The following DLG2 variants were observed in gnomAD, a reference collection of about 807,000 sequenced individuals.
The protein encoded by DLG2 is discs large MAGUK scaffold protein 2.
A neutral mutation model predicts 132.5 loss-of-function variants in DLG2; 45 were observed. The observed-to-expected ratio is 0.34, with a 90% CI of 0.27 to 0.44. The LOEUF (loss-of-function observed/expected upper bound fraction) is 0.44. Among genes scored for constraint, DLG2 ranks in the 20% least tolerant of loss-of-function variants. The probability of loss-of-function intolerance (pLI) is 1.00; values close to 1 mark genes in which losing one functional copy is unlikely to be tolerated. For missense variants in DLG2, 1,045 were observed against 1,196.9 expected, an observed-to-expected ratio of 0.87 and a Z score of 1.87; for synonymous variants, 424 against 419.6, an observed-to-expected ratio of 1.01 and a Z score of -0.13.
At chr11:83,803,935 T>C (rs1486549478) in intron 17 of DLG2, among the ~76,000 whole-genome samples, 1 of 152,138 alleles carries the variant, frequency 6.6e-6, no homozygotes, top group Admixed American at 6.6e-5. Flanking sequence ...TCATCTGATG[T>C]TTTTTTCATC....
At chr11:84,016,514 GTTGA>G in intron 11 of DLG2, among the ~76,000 whole-genome samples, 1 of 152,128 alleles carries the variant, frequency 6.6e-6, no homozygotes, top group Middle Eastern at 3.4e-3. Context: ...TCCATCTTGA[GTTGA>G]TTTTTGTATA....
At chr11:84,747,998 A>G (rs1039468834) in intron 6 of DLG2, among the ~76,000 whole-genome samples, 6 of 152,196 alleles carry the variant, frequency 3.9e-5, no homozygotes, top group African/African-American at 1.4e-4. Flanking sequence ...TGAGCACACC[A>G]TATAGGCTGC....
At chr11:83,474,650 A>T (rs1323684944) in intron 22 of DLG2, among the ~76,000 whole-genome samples, 1 of 152,108 alleles carries the variant, frequency 6.6e-6, no homozygotes, top group Admixed American at 6.5e-5. Flanking sequence ...CCAGTGCCCC[A>T]TTGAGTGCTT....
At chr11:84,549,520 T>C (rs1034969096) in intron 6 of DLG2, among the ~76,000 whole-genome samples, 6 of 152,166 alleles carry the variant, frequency 3.9e-5, no homozygotes, top group Admixed American at 1.3e-4. Context: ...GCGATGCAAA[T>C]TCCCTGCAGC....
At chr11:84,684,165 T>G (rs925243897) in intron 6 of DLG2, among the ~76,000 whole-genome samples, 1 of 152,202 alleles carries the variant, frequency 6.6e-6, no homozygotes, top group African/African-American at 2.4e-5. Flanking sequence ...CTACTTTGGC[T>G]ACAATATCAA....
At position 84,746,347 on chromosome 11, in the gene DLG2, A is replaced by G. The variant is rs181750432; in HGVS notation, c.358-211616T>C. On this transcript the variant is annotated intron_variant, in intron 6 of 27. Transcript: ENST00000376104. Reference sequence around the variant, plus strand: ...AAAATAATTCTTTACTACTGAATAAAGGTGACAATTAATATGCTGTATTAT... The same window carrying G: ...AAAATAATTCTTTACTACTGAATAAGGGTGACAATTAATATGCTGTATTAT... 7.0e-3 allele frequency among the ~76,000 whole-genome samples: 1,062 copies of G among 152,180 alleles called. 14 individuals carry two copies. Among genetic ancestry groups the G allele is most frequent in the African/African-American group, 0.023 (964 of 41,552 alleles).
chr11:84,547,232 A>C (rs898989843), intron 6 of DLG2, among the ~76,000 whole-genome samples: 2 of 152,168 alleles, frequency 1.3e-5, no homozygotes, highest in Admixed American at 1.3e-4. Context: ...ATTTGATTAT[A>C]AAAAATTGGA....
intron 6 of DLG2, among the ~76,000 whole-genome samples, chr11:84,959,532 T>C (rs1222237885): frequency 1.3e-5 from 2 of 152,228 alleles, no homozygotes; most frequent in South Asian, 2.1e-4. Flanking sequence ...ACTTATTGGA[T>C]ACAAGACCTC....
chr11:84,181,911 A>G (rs1370150385), intron 8 of DLG2, among the ~76,000 whole-genome samples: 1 of 152,198 alleles, frequency 6.6e-6, no homozygotes, highest in East Asian at 1.9e-4. Context: ...CAAGAAATAA[A>G]TGAATCCACT....
intron 8 of DLG2, among the ~76,000 whole-genome samples, chr11:84,220,380 A>G (rs536465078): frequency 6.6e-6 from 1 of 152,352 alleles, no homozygotes; most frequent in South Asian, 2.1e-4. Flanking sequence ...CTAGAGATTT[A>G]CTATTTACCA....
intron 11 of DLG2, among the ~76,000 whole-genome samples, chr11:84,042,487 G>C (rs184516198): frequency 6.6e-6 from 1 of 151,806 alleles, no homozygotes; most frequent in East Asian, 1.9e-4. Context: ...TAGTATAAAA[G>C]TAAAAATTGA....
chr11:83,963,037 G>A lies in DLG2; in HGVS notation c.1202-14C>T, dbSNP rs2154157405. 5.0e-6 allele frequency: 8 copies of A among 1,610,956 alleles called. No homozygotes were observed. Among genetic ancestry groups the A allele is most frequent in the Non-Finnish European group, 6.8e-6 (8 of 1,177,784 alleles). On this transcript the variant is annotated splice_polypyrimidine_tract_variant and intron_variant, in intron 13 of 27. Coordinates refer to ENST00000376104, the MANE Select transcript of DLG2 (RefSeq NM_001142699.3). ...GTGGAGAATAAGCTAAGAGGTGGGG[G>A]AAAAAGAGAAAAGAAACCTGTTATG...
At chr11:85,386,836 G>A (rs2086373582) in intron 3 of DLG2, among the ~76,000 whole-genome samples, 1 of 148,918 alleles carries the variant, frequency 6.7e-6, no homozygotes, top group Admixed American at 6.7e-5. Context: ...GAGAAAGAGA[G>A]GGTAAGACAA....
intron 6 of DLG2, among the ~76,000 whole-genome samples, chr11:84,920,618 T>C (rs1011518330): frequency 5.3e-5 from 8 of 152,174 alleles, no homozygotes; most frequent in African/African-American, 1.9e-4. Flanking sequence ...TCCAAGACTC[T>C]AACATAGTGC....
intron 3 of DLG2, among the ~76,000 whole-genome samples, chr11:85,465,509 T>C (rs1468526754): frequency 1.3e-5 from 2 of 151,816 alleles, no homozygotes; most frequent in Non-Finnish European, 2.9e-5. Context: ...CCTGTGTCCA[T>C]GTGTTCTCAT....
chr11:85,246,075 TTTAA>T (rs2076120978), intron 4 of DLG2, among the ~76,000 whole-genome samples: 2 of 152,132 alleles, frequency 1.3e-5, no homozygotes, highest in African/African-American at 4.8e-5. Context: ...ATATTATTTA[TTTAA>T]TTATTACTTT....
intron 18 of DLG2, among the ~76,000 whole-genome samples, chr11:83,758,873 G>T (rs922910389): frequency 1.6e-4 from 24 of 151,954 alleles, no homozygotes; most frequent in Non-Finnish European, 2.8e-4. Flanking sequence ...TTACCATTTT[G>T]TAATATAATA....
At chr11:84,768,618 A>C (rs1472914821) in intron 6 of DLG2, among the ~76,000 whole-genome samples, 2 of 152,314 alleles carry the variant, frequency 1.3e-5, no homozygotes, top group East Asian at 1.9e-4. Context: ...TGCTAGGTGG[A>C]TTCATTGTTA....
chr11:84,177,546 C>A (rs2096004424), intron 8 of DLG2, among the ~76,000 whole-genome samples: 1 of 152,094 alleles, frequency 6.6e-6, no homozygotes. Flanking sequence ...AGCCTGAGTT[C>A]CTCCTCAATA....
Sources: gnomAD v4.1 joint callset for allele counts (sites outside exome capture counted in the v4.1 genomes callset) on GRCh38, gnomAD v4.1.1 for gene constraint, MANE v1.5 for transcripts, NCBI Gene and HGNC (gene_info 2026-07-23, HGNC 2026-07-21) for gene names.